Variants in ALK observed in about 807,000 individuals in gnomAD.
ALK encodes the protein ALK tyrosine kinase receptor.
ALK carries 74 observed loss-of-function variants against 163.1 expected under a neutral mutation model. The observed-to-expected ratio is 0.45, with a 90% CI of 0.38 to 0.55. ALK has a LOEUF of 0.55. Among genes scored for constraint, ALK ranks in the 20% least tolerant of loss-of-function variants. The pLI is 0.00. For missense variants in ALK, 2,063 were observed against 2,105.3 expected (o/e 0.98, Z 0.39); for synonymous variants, 960 against 843.2 (o/e 1.14, Z -2.40).
chr2:29,552,646 T>C (rs1342726474), intron 3 of ALK, among the ~76,000 whole-genome samples: 1 of 152,256 alleles, frequency 6.6e-6, no homozygotes, highest in Non-Finnish European at 1.5e-5. Context: ...GTCATTTGCA[T>C]ATCTTCCCTG....
chr2:29,310,997 C>A (rs1378821660), intron 8 of ALK, among the ~76,000 whole-genome samples: 2 of 152,194 alleles, frequency 1.3e-5, no homozygotes, highest in African/African-American at 4.8e-5. Context: ...TTGGAAAATG[C>A]CTCGAGAACC....
intron 3 of ALK, among the ~76,000 whole-genome samples, chr2:29,560,395 GA>G (rs1366327927): frequency 6.6e-6 from 1 of 152,166 alleles, no homozygotes; most frequent in African/African-American, 2.4e-5. Flanking sequence ...GTAGAGACAA[GA>G]AATAGATTAA....
intron 4 of ALK, among the ~76,000 whole-genome samples, chr2:29,487,827 A>G (rs1671813133): frequency 2.0e-5 from 3 of 152,090 alleles, no homozygotes; most frequent in Admixed American, 2.0e-4. Flanking sequence ...AGATGGCACC[A>G]GATCGAGAAC....
At chr2:29,442,525 C>T (rs147775108) in intron 4 of ALK, among the ~76,000 whole-genome samples, 96 of 152,086 alleles carry the variant, frequency 6.3e-4, no homozygotes, top group African/African-American at 2.1e-3. Context: ...AATGACCTGG[C>T]GATCTTCAAT....
At chr2:29,447,777 G>A (rs78704437) in intron 4 of ALK, among the ~76,000 whole-genome samples, 2 of 152,084 alleles carry the variant, frequency 1.3e-5, no homozygotes, top group South Asian at 4.1e-4. Flanking sequence ...AGAAACCCAC[G>A]CACACATCTT....
At chr2:29,732,910 T>TTC (rs1553354105) in intron 1 of ALK, among the ~76,000 whole-genome samples, 2 of 151,980 alleles carry the variant, frequency 1.3e-5, no homozygotes, top group African/African-American at 4.8e-5. Flanking sequence ...GTTTTTTTTT[T>TTC]TTTTAAGCAG....
chr2:29,803,811 G>T (rs943304563), intron 1 of ALK, among the ~76,000 whole-genome samples: 1 of 152,106 alleles, frequency 6.6e-6, no homozygotes, highest in African/African-American at 2.4e-5. Flanking sequence ...CAAACCCTTT[G>T]GTGCGTCATG....
intron 1 of ALK, among the ~76,000 whole-genome samples, chr2:29,909,069 T>C (rs138481424): frequency 1.3e-5 from 2 of 152,364 alleles, no homozygotes; most frequent in Non-Finnish European, 2.9e-5. Flanking sequence ...CATGGAGATC[T>C]ATATGGTATC....
chr2:29,484,647 TG>T (rs1050026979), intron 4 of ALK, among the ~76,000 whole-genome samples: 2 of 152,244 alleles, frequency 1.3e-5, no homozygotes, highest in African/African-American at 4.8e-5. Flanking sequence ...TATTGTACCT[TG>T]TTTTATATAC....
intron 28 of ALK, 119 bp downstream of exon 28, chr2:29,196,651 T>C: frequency 1.2e-6 from 1 of 810,512 alleles, no homozygotes; most frequent in South Asian, 1.4e-5. Flanking sequence ...TAATTTTCAC[T>C]ATTTTGATCA....
At chr2:29,624,901 G>A (rs1676148806) in intron 3 of ALK, among the ~76,000 whole-genome samples, 1 of 152,196 alleles carries the variant, frequency 6.6e-6, no homozygotes, top group African/African-American at 2.4e-5. Context: ...GCCTGGTGCT[G>A]GGTGAGAATG....
At chr2:29,886,715 T>A (rs1172648294) in intron 1 of ALK, among the ~76,000 whole-genome samples, 12 of 152,224 alleles carry the variant, frequency 7.9e-5, no homozygotes, top group Non-Finnish European at 1.2e-4. Context: ...TTGCACAAGT[T>A]ATATCACCCC....
intron 23 of ALK, among the ~76,000 whole-genome samples, chr2:29,215,668 A>C (rs1041888147): frequency 6.9e-6 from 1 of 144,608 alleles, no homozygotes; most frequent in Non-Finnish European, 1.5e-5. Flanking sequence ...CAAGGAGTTA[A>C]AATGGAAGAG....
intron 2 of ALK, among the ~76,000 whole-genome samples, chr2:29,714,180 T>C (rs1189921292): frequency 6.6e-6 from 1 of 152,122 alleles, no homozygotes; most frequent in Admixed American, 6.5e-5. Flanking sequence ...ATAAAGTCTT[T>C]CTTTAGACGT....
At chr2:29,407,985 G>C (rs1310510687) in intron 4 of ALK, among the ~76,000 whole-genome samples, 1 of 152,166 alleles carries the variant, frequency 6.6e-6, no homozygotes, top group Non-Finnish European at 1.5e-5. Context: ...ACTAGAGGCA[G>C]AGAAAGATAT....
intron 4 of ALK, among the ~76,000 whole-genome samples, chr2:29,495,270 T>G (rs1184921981): frequency 1.3e-5 from 2 of 152,146 alleles, no homozygotes; most frequent in Non-Finnish European, 2.9e-5. Flanking sequence ...GCTCTCTGGC[T>G]TCTGGTTGTG....
chr2:29,845,377 A>G (rs758706247), intron 1 of ALK, among the ~76,000 whole-genome samples: 3 of 152,168 alleles, frequency 2.0e-5, no homozygotes, highest in Non-Finnish European at 4.4e-5. Context: ...AGCTTGGGAC[A>G]TGTTGGATTA....
intron 4 of ALK, among the ~76,000 whole-genome samples, chr2:29,444,386 C>A (rs1476899462): frequency 6.6e-6 from 1 of 152,118 alleles, no homozygotes; most frequent in Non-Finnish European, 1.5e-5. Flanking sequence ...GCTCACTGGG[C>A]ATCATGAAAT....
intron 3 of ALK, among the ~76,000 whole-genome samples, chr2:29,596,286 C>T (rs1327842730): frequency 6.6e-6 from 1 of 152,146 alleles, no homozygotes; most frequent in Non-Finnish European, 1.5e-5. Flanking sequence ...CTTCAATTGC[C>T]CTGTCTGTGA....
Sources: gnomAD v4.1 joint callset for allele counts (sites outside exome capture counted in the v4.1 genomes callset) on GRCh38, gnomAD v4.1.1 for gene constraint, MANE v1.5 for transcripts, NCBI Gene and HGNC (gene_info 2026-07-23, HGNC 2026-07-21) for gene names.